Variants in MYRFL observed in about 807,000 individuals in gnomAD.
MYRFL encodes the protein myelin regulatory factor like, also known as myelin regulatory factor-like protein.
A neutral mutation model predicts 109.4 loss-of-function variants in MYRFL; 88 were observed. The ratio of observed to expected loss-of-function variants is 0.80; its 90% confidence interval spans 0.68 to 0.96. The LOEUF is 0.96. Among genes scored for constraint, MYRFL ranks in the 40% least tolerant of loss-of-function variants. The pLI, the probability that MYRFL is intolerant of heterozygous loss-of-function variation, is 0.00. For synonymous variants in MYRFL, 324 were observed against 320.9 expected (o/e 1.01, Z -0.10); for missense variants, 957 against 954.9 (o/e 1.00, Z -0.03).
chr12:69,897,493 C>T (rs150329464), intron 10 of MYRFL, among the ~76,000 whole-genome samples: 165 of 152,236 alleles, frequency 1.1e-3, no homozygotes, highest in African/African-American at 3.8e-3. Context: ...AGAGACCAGG[C>T]ATTCTGCTCA....
intron 19 of MYRFL, among the ~76,000 whole-genome samples, chr12:69,939,801 T>C (rs1319901786): frequency 4.0e-5 from 6 of 151,642 alleles, no homozygotes; most frequent in Non-Finnish European, 8.8e-5. Flanking sequence ...TTGAAAAAAA[T>C]TTAGAAGAAT....
chr12:69,952,250 C>A, intron 20 of MYRFL, 75 bp downstream of exon 20: 1 of 1,344,582 alleles, frequency 7.4e-7, no homozygotes, highest in Non-Finnish European at 1.0e-6. Context: ...AAAAGCATTG[C>A]TGGAGTGAGG....
At chr12:69,844,318 T>G (rs1246723903) in intron 1 of MYRFL, among the ~76,000 whole-genome samples, 1 of 152,072 alleles carries the variant, frequency 6.6e-6, no homozygotes, top group Non-Finnish European at 1.5e-5. Flanking sequence ...CGGTGGGTGA[T>G]CTAAAGCAGG....
chr12:69,871,734 C>T (rs1885367016), intron 2 of MYRFL, among the ~76,000 whole-genome samples: 2 of 152,162 alleles, frequency 1.3e-5, no homozygotes, highest in South Asian at 4.1e-4. Flanking sequence ...CCAGGGCTTA[C>T]ATTATCATGA....
chr12:69,827,373 A>T (rs916800787), intron 1 of MYRFL, among the ~76,000 whole-genome samples: 4 of 152,010 alleles, frequency 2.6e-5, no homozygotes, highest in Non-Finnish European at 5.9e-5. Flanking sequence ...AAACGTGACT[A>T]AATCTTCATG....
chr12:69,875,450 T>C (rs1885602423), intron 2 of MYRFL, among the ~76,000 whole-genome samples: 1 of 152,232 alleles, frequency 6.6e-6, no homozygotes, highest in Non-Finnish European at 1.5e-5. Flanking sequence ...TGTCTGCTAA[T>C]CCAGTATCTG....
chr12:69,927,557 T>A, intron 14 of MYRFL, 128 bp from the exon 15 acceptor site: 1 of 662,982 alleles, frequency 1.5e-6, no homozygotes, highest in Non-Finnish European at 2.5e-6. Flanking sequence ...GCCATGACTT[T>A]TTGTTTTCAA....
intron 5 of MYRFL, among the ~76,000 whole-genome samples, chr12:69,881,027 A>G (rs1174167907): frequency 1.4e-5 from 2 of 141,530 alleles, no homozygotes; most frequent in Non-Finnish European, 3.0e-5. Flanking sequence ...TTAACAAAGT[A>G]GCCTTTTGAA....
intron 2 of MYRFL, among the ~76,000 whole-genome samples, chr12:69,867,291 G>T (rs1885070229): frequency 6.6e-6 from 1 of 152,162 alleles, no homozygotes. Flanking sequence ...AGACTTAGGG[G>T]AAGAATAAAA....
chr12:69,912,137 A>G (rs550074617), intron 13 of MYRFL, among the ~76,000 whole-genome samples: 69 of 152,240 alleles, frequency 4.5e-4, no homozygotes, highest in Non-Finnish European at 9.0e-4. Flanking sequence ...CAGGGCTGCA[A>G]GAGCACAGTG....
At chr12:69,893,698 A>G (rs1449869407) in intron 7 of MYRFL, 66 bp from the exon 8 acceptor site, 2 of 1,048,060 alleles carry the variant, frequency 1.9e-6, no homozygotes, top group East Asian at 6.5e-5. Flanking sequence ...AAGTACTTGA[A>G]CATTCTTTGC....
At position 69,936,556 on chromosome 12, in the gene MYRFL, G is replaced by C. The variant is rs568619506; in HGVS notation, c.2148G>C (p.Arg716=). Residue 716 remains arginine (R), a synonymous_variant, in exon 19 of 25, where the codon CGG becomes CGC. Transcript: ENST00000552032. ...PCQETYCCPI[R]GMKEVSSSPV... ...AGGAGACTTATTGCTGCCCCATCCG[G>C]GGAATGAAAGAAGTCTCTTCAAGTC... 6.5e-7 allele frequency: 1 copy of C among 1,536,140 alleles called. No homozygotes were observed. Among genetic ancestry groups the C allele is most frequent in the Non-Finnish European group, 8.7e-7 (1 of 1,146,910 alleles).
In MYRFL at chr12:69,936,463, A is replaced by G; in HGVS notation, c.2055A>G (p.Thr685=). The change falls in exon 19 of 25, where the codon ACA becomes ACG. Residue 685 remains threonine (T), a synonymous_variant. Transcript: ENST00000552032. ...LPTASSSAPN[T]SLVTTPASLQ... ...CCCAATGCCTTGCAGCACCTAATAC[A>G]TCCCTGGTAACCACACCGGCCTCCT... is the stretch of plus-strand genomic sequence containing the variant. 1 of 1,535,028 alleles carries G rather than the reference A, an allele frequency of 6.5e-7. No homozygotes were observed.
At chr12:69,907,483 T>G (rs1954402816) in intron 11 of MYRFL, among the ~76,000 whole-genome samples, 1 of 152,076 alleles carries the variant, frequency 6.6e-6, no homozygotes, top group African/African-American at 2.4e-5. Context: ...GCTGGGGCCC[T>G]GCAGGTGGGG....
At chr12:69,920,718 T>C (rs1393670858) in intron 13 of MYRFL, among the ~76,000 whole-genome samples, 1 of 152,160 alleles carries the variant, frequency 6.6e-6, no homozygotes, top group East Asian at 1.9e-4. Flanking sequence ...TGGTTCAATA[T>C]GGTGAGAGCA....
At chr12:69,930,106 G>A (rs1955223268) in intron 15 of MYRFL, among the ~76,000 whole-genome samples, 1 of 152,136 alleles carries the variant, frequency 6.6e-6, no homozygotes, top group Non-Finnish European at 1.5e-5. Flanking sequence ...TTCCTTCCAT[G>A]CCACGACTCA....
At chr12:69,847,406 T>C (rs1232944187) in intron 1 of MYRFL, among the ~76,000 whole-genome samples, 1 of 152,216 alleles carries the variant, frequency 6.6e-6, no homozygotes, top group East Asian at 1.9e-4. Flanking sequence ...AAAGAAAAAG[T>C]TCATTTTATT....
chr12:69,847,395 C>T (rs1883623318), intron 1 of MYRFL, among the ~76,000 whole-genome samples: 1 of 151,958 alleles, frequency 6.6e-6, no homozygotes, highest in Non-Finnish European at 1.5e-5. Context: ...TTGTTTTTTT[C>T]AAAGAAAAAG....
At chr12:69,857,426 C>T (rs1347211599) in intron 2 of MYRFL, among the ~76,000 whole-genome samples, 2 of 151,788 alleles carry the variant, frequency 1.3e-5, no homozygotes, top group East Asian at 1.9e-4. Context: ...AATATTTAAA[C>T]AATTCTTCTG....
Sources: gnomAD v4.1 joint callset for allele counts (sites outside exome capture counted in the v4.1 genomes callset) on GRCh38, gnomAD v4.1.1 for gene constraint, MANE v1.5 for transcripts, NCBI Gene and HGNC (gene_info 2026-07-23, HGNC 2026-07-21) for gene names.